The following WASHC5 variants were observed in gnomAD, a reference collection of about 807,000 sequenced individuals.
WASHC5 encodes WASH complex subunit 5.
A neutral mutation model predicts 150.4 loss-of-function variants in WASHC5; 101 were observed. That is an observed-to-expected ratio of 0.67 (90% CI 0.57 to 0.79). WASHC5 has a LOEUF of 0.79. WASHC5 is among the 30% of genes least tolerant of loss of function. WASHC5 has a pLI of 0.00. For missense variants in WASHC5, 1,195 were observed against 1,396.3 expected, an observed-to-expected ratio of 0.86 and a Z score of 2.30; for synonymous variants, 467 against 491.2, an observed-to-expected ratio of 0.95 and a Z score of 0.65.
At chr8:125,058,777 C>T (rs1466524593) in intron 14 of WASHC5, among the ~76,000 whole-genome samples, 5 of 151,990 alleles carry the variant, frequency 3.3e-5, no homozygotes, top group South Asian at 2.1e-4. Flanking sequence ...TCATTTACCA[C>T]GAACTGAAAT....
chr8:125,060,940 G>T, intron 12 of WASHC5, 142 bp downstream of exon 12: 1 of 648,778 alleles, frequency 1.5e-6, no homozygotes. Context: ...GACAGTATAC[G>T]TTACAGGAAA....
chr8:125,071,760 A>G (rs1292451818), intron 9 of WASHC5, among the ~76,000 whole-genome samples: 1 of 152,064 alleles, frequency 6.6e-6, no homozygotes, highest in East Asian at 1.9e-4. Context: ...ATTACCACAA[A>G]CTCAGTGGCT....
At chr8:125,083,663 C>A (rs768376619) in intron 2 of WASHC5, 50 bp downstream of exon 2, 1 of 1,443,580 alleles carries the variant, frequency 6.9e-7, no homozygotes, top group East Asian at 2.3e-5. Context: ...CCAGAGAAAA[C>A]ACGCTTTTGT....
intron 15 of WASHC5, 29 bp downstream of exon 15, chr8:125,057,527 A>G (rs370310655): frequency 2.2e-6 from 3 of 1,387,770 alleles, no homozygotes; most frequent in South Asian, 2.4e-5. Context: ...ATCTGGCAAG[A>G]GTAAATATCA....
Position 125,050,590 on chromosome 8 carries a change from C to T in WASHC5, c.2173G>A (p.Gly725Arg). ...TTGGCTCGAGGGTTGAATATCAGTC[C>T]CCTATGCAGGGCAAAGGCAACGCGC... ...VKRVAFALHR[G>R]LIFNPRAKPS... Residue 725 changes from glycine to arginine, a missense_variant, in exon 18 of 29, where the codon GGA (glycine) becomes AGA (arginine). Physicochemically the swap from Gly to Arg is moderately radical, Grantham distance 125. This residue lies in a region of WASHC5 where 997 missense variants were observed against 1,168.1 expected (regional missense o/e 0.85). Transcript: ENST00000318410. 1 of 1,613,834 alleles carries T rather than the reference C, an allele frequency of 6.2e-7. No individual in the cohort carries two copies. Among genetic ancestry groups the T allele is most frequent in the Non-Finnish European group, 8.5e-7 (1 of 1,179,728 alleles).
intron 3 of WASHC5, 138 bp from the exon 4 acceptor site, chr8:125,082,605 TA>T (rs1466802183): frequency 6.1e-6 from 4 of 653,178 alleles, no homozygotes; most frequent in Non-Finnish European, 1.1e-5. Context: ...TTCATGCTCT[TA>T]AGAATACAGT....
At chr8:125,046,600 G>A (rs1283009183) in intron 20 of WASHC5, among the ~76,000 whole-genome samples, 1 of 152,186 alleles carries the variant, frequency 6.6e-6, no homozygotes, top group East Asian at 1.9e-4. Context: ...AAGCTTTTCT[G>A]TGCTTCAGTT....
At chr8:125,032,488 C>G in intron 26 of WASHC5, 94 bp from the exon 27 acceptor site, 2 of 1,377,648 alleles carry the variant, frequency 1.5e-6, no homozygotes, top group Non-Finnish European at 2.1e-6. Context: ...TGTTTGGGGC[C>G]CATATTCTCG....
At chr8:125,039,082 G>A in intron 24 of WASHC5, 123 bp from the exon 25 acceptor site, 4 of 1,086,908 alleles carry the variant, frequency 3.7e-6, no homozygotes, top group Non-Finnish European at 5.5e-6. Flanking sequence ...ATGAGAGCTT[G>A]ATCTCGCTAA....
chr8:125,065,757 C>T (rs1816728048), intron 10 of WASHC5, among the ~76,000 whole-genome samples: 2 of 151,874 alleles, frequency 1.3e-5, no homozygotes, highest in Admixed American at 6.6e-5. Flanking sequence ...GCTTGGAATA[C>T]AGGCACGCGC....
At chr8:125,028,136 G>T (rs1411044855) in intron 28 of WASHC5, among the ~76,000 whole-genome samples, 1 of 152,160 alleles carries the variant, frequency 6.6e-6, no homozygotes. Context: ...TAACAAAGTG[G>T]AATTACTAAT....
At chr8:125,057,714 T>A in intron 14 of WASHC5, 48 bp from the exon 15 acceptor site, 1 of 1,195,172 alleles carries the variant, frequency 8.4e-7, no homozygotes, top group South Asian at 1.3e-5. Flanking sequence ...AAAAGAGTCC[T>A]AGAAATCTTT....
rs115182594 is a variant in WASHC5, at chr8:125,065,039, G to A, written c.1279-1388C>T. Among the ~76,000 whole-genome samples, 628 of 152,300 alleles carry A rather than the reference G, an allele frequency of 4.1e-3. 8 individuals are homozygous for A. The highest frequency in any genetic ancestry group is 0.013 in the African/African-American group (555 of 41,558). On this transcript the variant is annotated intron_variant, in intron 10 of 28. Coordinates refer to ENST00000318410, the MANE Select transcript of WASHC5 (RefSeq NM_014846.4). ...AGAGCACCCTGAAGCCTTCGTAAGAGACTACATGGCGTCAAGCCCTTCAAA... is the reference window on the plus strand; with the variant it reads ...AGAGCACCCTGAAGCCTTCGTAAGAAACTACATGGCGTCAAGCCCTTCAAA...
intron 8 of WASHC5, among the ~76,000 whole-genome samples, chr8:125,074,319 G>A (rs945158948): frequency 1.3e-5 from 2 of 152,120 alleles, no homozygotes; most frequent in African/African-American, 4.8e-5. Flanking sequence ...CATTATTTAT[G>A]GAATTCAATT....
chr8:125,032,600 A>G (rs766134834), intron 26 of WASHC5: 112 of 603,252 alleles, frequency 1.9e-4, no homozygotes, highest in Non-Finnish European at 2.3e-4. Context: ...TTCAAAACCA[A>G]TAAAACGGTT....
Position 125,044,023 on chromosome 8 carries a change from C to T in WASHC5, c.2739G>A (p.Met913Ile). ...TACTTTTTAGGGGACTGACAGCATT[C>T]ATGAGGGTTTTTAAAGTGTCCTGAA... ...RTVQDTLKTL[M>I]NAVSPLKSIV... Residue 913 changes from methionine to isoleucine, a missense_variant, in exon 22 of 29, where the codon ATG becomes ATA. This residue lies in a region of WASHC5 where 997 missense variants were observed against 1,168.1 expected (regional missense o/e 0.85). Transcript: ENST00000318410. 1 of 1,613,742 alleles carries T rather than the reference C, an allele frequency of 6.2e-7. No individual in the cohort carries two copies. Among genetic ancestry groups the T allele is most frequent in the Non-Finnish European group, 8.5e-7 (1 of 1,179,672 alleles).
At chr8:125,030,694 C>A (rs1815505728) in intron 27 of WASHC5, among the ~76,000 whole-genome samples, 1 of 141,084 alleles carries the variant, frequency 7.1e-6, no homozygotes, top group Admixed American at 7.1e-5. Context: ...AGCTGCTGTA[C>A]TGTCCACAGA....
At chr8:125,060,994 C>G in intron 12 of WASHC5, 88 bp downstream of exon 12, 4 of 741,508 alleles carry the variant, frequency 5.4e-6, no homozygotes, top group Non-Finnish European at 9.9e-6. Context: ...AATAGTCTCT[C>G]AGCTATATTT....
chr8:125,074,853 C>G (rs534778369), intron 8 of WASHC5, 145 bp downstream of exon 8: 212 of 692,600 alleles, frequency 3.1e-4, no homozygotes, highest in Admixed American at 1.5e-3. Context: ...TTATTCTAAC[C>G]TATAAAATTC....
Sources: allele counts gnomAD v4.1 joint callset (sites outside exome capture counted in the v4.1 genomes callset), GRCh38; gene constraint gnomAD v4.1.1; regional missense constraint gnomAD v4.1.1; transcripts MANE v1.5; gene names NCBI Gene and HGNC (gene_info 2026-07-23, HGNC 2026-07-21).